UPF2: variants seen among roughly 807,000 people sequenced by gnomAD.
The protein encoded by UPF2 is regulator of nonsense transcripts 2.
Under a neutral mutation model 141.4 loss-of-function variants are expected in UPF2, and 17 were observed. The observed-to-expected ratio is 0.12, with a 90% CI of 0.08 to 0.18. The LOEUF is 0.18. Ranked by LOEUF, UPF2 falls within the 10% of genes least tolerant of loss-of-function variation. The probability of loss-of-function intolerance (pLI) is 1.00; values close to 1 mark genes in which losing one functional copy is unlikely to be tolerated. For synonymous variants in UPF2, 540 were observed against 498.0 expected (o/e 1.08, Z -1.12); for missense variants, 1,152 against 1,515.9 (o/e 0.76, Z 3.99).
chr10:11,937,969 T>C (rs888088215), intron 18 of UPF2, among the ~76,000 whole-genome samples: 1 of 152,168 alleles, frequency 6.6e-6, no homozygotes, highest in African/African-American at 2.4e-5. Context: ...TCATAAAATA[T>C]TTAAATACAA....
At chr10:12,038,839 A>G (rs1834683279) in intron 1 of UPF2, among the ~76,000 whole-genome samples, 1 of 152,138 alleles carries the variant, frequency 6.6e-6, no homozygotes, top group Non-Finnish European at 1.5e-5. Flanking sequence ...AACTGTTTTA[A>G]TAAAATAGAG....
At chr10:12,024,397 G>A (rs920320766) in intron 3 of UPF2, among the ~76,000 whole-genome samples, 4 of 151,912 alleles carry the variant, frequency 2.6e-5, no homozygotes, top group Non-Finnish European at 4.4e-5. Flanking sequence ...ATCATCTGAG[G>A]TCAGGAGTTC....
At chr10:11,925,238 TA>T (rs1387854049) in intron 21 of UPF2, among the ~76,000 whole-genome samples, 2 of 152,226 alleles carry the variant, frequency 1.3e-5, no homozygotes, top group Non-Finnish European at 2.9e-5. Flanking sequence ...GCATTGACTA[TA>T]AAAATTCCAT....
rs75866806 is a variant in UPF2 at position 11,921,293 on chromosome 10, C to T, written c.*5G>A. On this transcript the variant is annotated 3_prime_UTR_variant, in exon 22 of 22. Transcript: ENST00000357604. The surrounding 1 kb of genome is among the most constrained non-coding windows in gnomAD (Gnocchi z 5.9). ...GGACCTAATGAAATGACACGTGCTG[C>T]TGGATCAACGTCTCCTAAAGGAACA... The T allele has an allele frequency of 3.7e-5, 59 of 1,614,152 alleles. 1 individual carries two copies. In the South Asian group the frequency reaches 5.2e-4, roughly 14 times the overall value.
At position 12,029,206 on chromosome 10, in the gene UPF2, G is replaced by C; in HGVS notation, c.684C>G (p.Leu228=). 1 of 1,614,206 alleles carries C rather than the reference G, an allele frequency of 6.2e-7. No homozygotes were observed. The highest frequency in any genetic ancestry group is 8.5e-7 in the Non-Finnish European group (1 of 1,180,042). ...CAAAGTCAGCATAACGCTGGTGAAA[G>C]AGAGAGCAGAGGTGCACAGCACAGT... is the stretch of plus-strand genomic sequence containing the variant. ...DVNCAVHLCS[L]FHQRYADFAP... The change falls in exon 3 of 22, where the codon CTC becomes CTG. Residue 228 remains leucine (L), a synonymous_variant. Coordinates refer to ENST00000357604, the MANE Select transcript of UPF2 (RefSeq NM_015542.4).
chr10:12,008,825 T>C (rs1290223568), intron 4 of UPF2, among the ~76,000 whole-genome samples: 1 of 152,096 alleles, frequency 6.6e-6, no homozygotes, highest in Non-Finnish European at 1.5e-5. Context: ...GTATTTGTCC[T>C]AATGCTCTCC....
At chr10:11,928,610 G>A in intron 21 of UPF2, 1 of 194,098 alleles carries the variant, frequency 5.2e-6, no homozygotes, top group South Asian at 7.1e-5. Context: ...TCGGGAGGCT[G>A]AGGCAGGAGA....
chr10:11,946,977 G>T (rs1455409336), intron 16 of UPF2, among the ~76,000 whole-genome samples: 1 of 152,226 alleles, frequency 6.6e-6, no homozygotes, highest in Non-Finnish European at 1.5e-5. Context: ...CAAGGTGGGG[G>T]GATCACTTGA....
At chr10:12,041,648 A>G (rs1834735940) in intron 1 of UPF2, among the ~76,000 whole-genome samples, 1 of 152,112 alleles carries the variant, frequency 6.6e-6, no homozygotes, top group South Asian at 2.1e-4. Flanking sequence ...TTACCTTTCA[A>G]TTCTCTTATT....
At chr10:11,923,773 A>G (rs1832676974) in intron 21 of UPF2, among the ~76,000 whole-genome samples, 1 of 152,158 alleles carries the variant, frequency 6.6e-6, no homozygotes, top group Non-Finnish European at 1.5e-5. Flanking sequence ...CGGGAGGCAG[A>G]GGTTGCAGTG....
chr10:11,942,554 G>A, intron 18 of UPF2, 111 bp downstream of exon 18: 1 of 890,312 alleles, frequency 1.1e-6, no homozygotes, highest in Non-Finnish European at 1.7e-6. Flanking sequence ...TCTAGCAAAA[G>A]CTGCTGCAGA....
At chr10:11,963,560 G>A (rs1833273496) in intron 11 of UPF2, among the ~76,000 whole-genome samples, 3 of 152,134 alleles carry the variant, frequency 2.0e-5, no homozygotes, top group Admixed American at 2.0e-4. Context: ...CTGGTATTTT[G>A]TAAGTGCTGG....
rs139501685 is a variant in UPF2, at chr10:11,959,364, A to G, written c.2185-8T>C. Reference sequence around the variant, plus strand: ...CTTTCTCATCATTTGCTCCTGAAATAAAAAGTCCAAATTAATCAAAACACG... The same window carrying G: ...CTTTCTCATCATTTGCTCCTGAAATGAAAAGTCCAAATTAATCAAAACACG... On this transcript the variant is annotated splice_polypyrimidine_tract_variant and splice_region_variant and intron_variant, in intron 11 of 21. Transcript: ENST00000357604. The surrounding 1 kb of genome is among the most constrained non-coding windows in gnomAD (Gnocchi z 5.9). 36 of 1,557,796 alleles carry G rather than the reference A, an allele frequency of 2.3e-5. No homozygotes were observed. The highest frequency in any genetic ancestry group is 2.9e-5 in the Non-Finnish European group (34 of 1,157,252).
intron 8 of UPF2, among the ~76,000 whole-genome samples, chr10:11,987,529 G>A (rs1184470155): frequency 6.6e-6 from 1 of 151,860 alleles, no homozygotes; most frequent in East Asian, 1.9e-4. Flanking sequence ...AGGCCTAGGC[G>A]GGTGGATCAT....
At chr10:11,984,216 C>T (rs932196847) in intron 8 of UPF2, among the ~76,000 whole-genome samples, 28 of 152,116 alleles carry the variant, frequency 1.8e-4, no homozygotes, top group Admixed American at 1.1e-3. Flanking sequence ...CCAGCGTGCC[C>T]GATCAATTAA....
rs768563475 is a variant in UPF2 at position 11,948,378 on chromosome 10, T to A, written c.3165A>T (p.Pro1055=). 2.5e-6 allele frequency: 4 copies of A among 1,586,062 alleles called. No individual in the cohort carries two copies. Among genetic ancestry groups the A allele is most frequent in the Non-Finnish European group, 3.4e-6 (4 of 1,163,854 alleles). Residue 1055 remains proline, a synonymous_variant, in exon 16 of 22, where the codon CCA becomes CCT. Transcript: ENST00000357604. ...QSGNESEVNE[P]EEEEGSDNDD... ...ATATAAAAGTCATCACCTCTTCTTC[T>A]GGCTCATTTACTTCACTTTCATTTC...
intron 21 of UPF2, among the ~76,000 whole-genome samples, chr10:11,927,802 T>C (rs925340764): frequency 6.6e-6 from 1 of 152,190 alleles, no homozygotes; most frequent in African/African-American, 2.4e-5. Context: ...TGATTAGAGT[T>C]ATCTGAGCAA....
chr10:11,984,656 T>G (rs953565467), intron 8 of UPF2, among the ~76,000 whole-genome samples: 4 of 151,956 alleles, frequency 2.6e-5, no homozygotes, highest in Admixed American at 6.6e-5. Flanking sequence ...CTTCATTTTC[T>G]TCTAAGTGGC....
At chr10:11,952,016 A>G (rs963871816) in intron 15 of UPF2, 50 bp downstream of exon 15, 1 of 1,571,970 alleles carries the variant, frequency 6.4e-7, no homozygotes, top group Non-Finnish European at 8.7e-7. Flanking sequence ...AATTCCAGAA[A>G]TAATCTGCCA....
Sources: gnomAD v4.1 joint callset for allele counts (sites outside exome capture counted in the v4.1 genomes callset) on GRCh38, gnomAD v4.1.1 for gene constraint, Gnocchi (gnomAD v3.1) non-coding constraint, MANE v1.5 for transcripts, NCBI Gene and HGNC (gene_info 2026-07-23, HGNC 2026-07-21) for gene names.